Variants in CAMLG observed in about 807,000 individuals in gnomAD.
CAMLG encodes the protein guided entry of tail-anchored proteins factor CAMLG.
CAMLG carries 23 observed loss-of-function variants against 28.9 expected under a neutral mutation model. The observed-to-expected ratio is 0.80, with a 90% confidence interval of 0.57 to 1.13. CAMLG has a LOEUF of 1.13. CAMLG is among the 50% of genes most tolerant of loss of function. The pLI, the probability that CAMLG is intolerant of heterozygous loss-of-function variation, is 0.00. For synonymous variants in CAMLG, 141 were observed against 146.5 expected (o/e 0.96, Z 0.27); for missense variants, 367 against 371.9 (o/e 0.99, Z 0.11).
At position 134,751,908 on chromosome 5, in the gene CAMLG, C is replaced by T. The variant is rs1753118771; in HGVS notation, c.*958C>T. 1 of 152,264 alleles carries T rather than the reference C, an allele frequency of 6.6e-6. No homozygotes were observed. Among genetic ancestry groups the T allele is most frequent in the African/African-American group, 2.4e-5 (1 of 41,452 alleles). 9.4% of individuals were successfully genotyped at this position (152,264 alleles called of 1,614,324 possible). ...TGTTGGTCAGGCTGGTCTCGAACTT[C>T]TGACCTCAGGTGATCTGCCCACCTC... On this transcript the variant is annotated 3_prime_UTR_variant, in exon 4 of 4. Transcript: ENST00000297156.
intron 3 of CAMLG, among the ~76,000 whole-genome samples, chr5:134,746,090 A>G (rs1753044619): frequency 6.7e-6 from 1 of 148,926 alleles, no homozygotes; most frequent in South Asian, 2.1e-4. Context: ...GTGAGCCGAG[A>G]TCGCACCATT....
At chr5:134,746,753 A>G (rs1753054610) in intron 3 of CAMLG, among the ~76,000 whole-genome samples, 1 of 150,574 alleles carries the variant, frequency 6.6e-6, no homozygotes, top group South Asian at 2.2e-4. Context: ...CTGGGATTAC[A>G]GGTGTGAGCC....
chr5:134,740,071 G>T (rs535512182), intron 1 of CAMLG, among the ~76,000 whole-genome samples: 1 of 149,196 alleles, frequency 6.7e-6, no homozygotes, highest in Non-Finnish European at 1.5e-5. Context: ...GTGTGGAGAT[G>T]GGGGGGTCTC....
chr5:134,750,298 G>T (rs1020843622), intron 3 of CAMLG, among the ~76,000 whole-genome samples: 1 of 152,106 alleles, frequency 6.6e-6, no homozygotes, highest in Non-Finnish European at 1.5e-5. Flanking sequence ...CTGACACTTT[G>T]GGAGGCTGAG....
chr5:134,745,434 T>TCA (rs1753034526), intron 3 of CAMLG, among the ~76,000 whole-genome samples: 1 of 80,046 alleles, frequency 1.2e-5, no homozygotes, highest in Non-Finnish European at 2.4e-5. Flanking sequence ...GCGAGACTCC[T>TCA]CAAAAAAAAA....
chr5:134,741,260 A>G lies in CAMLG; in HGVS notation c.370A>G (p.Ser124Gly). ...CTCGTTCATTAAACCACCTGAGTGC[A>G]GTAGTGATGTCAACCTTGAGCTCCG... The part of the protein sequence containing the change: ...LDSFIKPPEC[S>G]SDVNLELRQR... Residue 124 changes from serine to glycine, a missense_variant, in exon 2 of 4, where the codon AGT becomes GGT. Transcript: ENST00000297156. 7.4e-6 allele frequency: 12 copies of G among 1,614,226 alleles called. No individual in the cohort carries two copies. Among genetic ancestry groups the G allele is most frequent in the Middle Eastern group, 1.6e-4 (1 of 6,062 alleles).
chr5:134,745,549 C>T (rs571446062), intron 3 of CAMLG, among the ~76,000 whole-genome samples: 1 of 151,800 alleles, frequency 6.6e-6, no homozygotes, highest in East Asian at 1.9e-4. Flanking sequence ...GTCAGGAGCT[C>T]GAGACTGGCC....
At chr5:134,747,645 ATT>A (rs551808122) in intron 3 of CAMLG, among the ~76,000 whole-genome samples, 14 of 132,192 alleles carry the variant, frequency 1.1e-4, no homozygotes, top group Non-Finnish European at 1.5e-4. Context: ...CATGCTCGGC[ATT>A]TTTTTTTTTT....
intron 3 of CAMLG, among the ~76,000 whole-genome samples, chr5:134,745,867 G>A (rs958272871): frequency 8.6e-5 from 13 of 151,728 alleles, no homozygotes; most frequent in African/African-American, 1.4e-4. Flanking sequence ...GGCCAGGCAC[G>A]GTGGCTCATG....
Position 134,750,975 on chromosome 5 carries a change from GCTT to G in CAMLG, c.*26_*28del. 2 of 1,523,432 alleles carry G rather than the reference GCTT, an allele frequency of 1.3e-6. No individual in the cohort carries two copies. Among genetic ancestry groups the G allele is most frequent in the Admixed American group, 2.1e-5 (1 of 47,524 alleles). 94.4% of individuals were successfully genotyped at this position (1,523,432 alleles called of 1,614,324 possible). A position where few individuals can be genotyped will look rare whatever the true frequency, so the allele number is the denominator to read the frequency against. On this transcript the variant is annotated 3_prime_UTR_variant, in exon 4 of 4. Transcript: ENST00000297156. The stretch of plus-strand genomic sequence containing the variant: ...AAGCCTGTAGAACTGAGAAGGAGAA[GCTT>G]ACAAAAAAAAAAAAATCCTCTTCTA...
chr5:134,748,114 G>A (rs969254501), intron 3 of CAMLG, among the ~76,000 whole-genome samples: 2 of 150,622 alleles, frequency 1.3e-5, no homozygotes, highest in Non-Finnish European at 3.0e-5. Flanking sequence ...TGCCCACCTC[G>A]GCCTCCTAAA....
intron 3 of CAMLG, 133 bp from the exon 4 acceptor site, chr5:134,750,626 C>T: frequency 1.7e-6 from 1 of 591,210 alleles, no homozygotes; most frequent in South Asian, 2.4e-5. Context: ...TGGTATCTTA[C>T]TGATTGTTTT....
chr5:134,749,330 A>C (rs1001748420), intron 3 of CAMLG, among the ~76,000 whole-genome samples: 3 of 152,128 alleles, frequency 2.0e-5, no homozygotes, highest in African/African-American at 7.2e-5. Flanking sequence ...GACCTCCCAA[A>C]GTGCTGGGAT....
At chr5:134,741,818 C>T (rs954121272) in intron 2 of CAMLG, among the ~76,000 whole-genome samples, 83 of 152,226 alleles carry the variant, frequency 5.5e-4, no homozygotes, top group African/African-American at 1.9e-3. Flanking sequence ...TGGTGGTGCA[C>T]GCCTGTAATC....
rs943270359 is a variant in CAMLG at position 134,738,644 on chromosome 5, C to T, written c.24C>T (p.Thr8=). Residue 8 remains threonine (T), a synonymous_variant, in exon 1 of 4, where the codon ACC becomes ACT. Coordinates refer to ENST00000297156, the MANE Select transcript of CAMLG (RefSeq NM_001745.4). MESMAVA[T]DGGERPGVPA... is the part of the protein sequence containing the mutation. ...GGATGGAGTCGATGGCCGTCGCTAC[C>T]GACGGCGGGGAGAGGCCGGGGGTCC... 2 of 1,612,074 alleles carry T rather than the reference C, an allele frequency of 1.2e-6. No individual in the cohort carries two copies. The highest frequency in any genetic ancestry group is 1.7e-5 in the Admixed American group (1 of 59,676).
At chr5:134,740,980 A>T in intron 1 of CAMLG, 83 bp from the exon 2 acceptor site, 1 of 880,198 alleles carries the variant, frequency 1.1e-6, no homozygotes, top group Non-Finnish European at 1.8e-6. Context: ...TTCTAGCTGC[A>T]ACAGCATATT....
intron 3 of CAMLG, among the ~76,000 whole-genome samples, chr5:134,745,549 CGA>C (rs1323760041): frequency 6.6e-6 from 1 of 151,694 alleles, no homozygotes; most frequent in Non-Finnish European, 1.5e-5. Context: ...GTCAGGAGCT[CGA>C]GACTGGCCTG....
chr5:134,747,510 A>AT (rs908831578), intron 3 of CAMLG, among the ~76,000 whole-genome samples: 67 of 151,218 alleles, frequency 4.4e-4, no homozygotes, highest in African/African-American at 1.4e-3. Context: ...CGGCCGGCTA[A>AT]TTTTTTTTTG....
intron 3 of CAMLG, among the ~76,000 whole-genome samples, chr5:134,745,131 CA>C (rs1335033315): frequency 8.5e-5 from 13 of 152,176 alleles, no homozygotes; most frequent in Non-Finnish European, 1.5e-4. Context: ...TTTAATTAAG[CA>C]TTTGTTTAGA....
Sources: allele counts gnomAD v4.1 joint callset (sites outside exome capture counted in the v4.1 genomes callset), GRCh38; gene constraint gnomAD v4.1.1; transcripts MANE v1.5; gene names NCBI Gene and HGNC (gene_info 2026-07-23, HGNC 2026-07-21).